CNTN6: variants seen among roughly 807,000 people sequenced by gnomAD.
CNTN6 encodes the protein contactin-6.
A neutral mutation model predicts 122.8 loss-of-function variants in CNTN6; 137 were observed. That is an observed-to-expected ratio of 1.12 (90% CI 0.97 to 1.29). The LOEUF is 1.29. Ranked by LOEUF, CNTN6 falls within the 50% of genes most tolerant of loss-of-function variation. CNTN6 has a pLI of 0.00. For missense variants in CNTN6, 1,634 were observed against 1,223.4 expected, an observed-to-expected ratio of 1.34 and a Z score of -5.01; for synonymous variants, 570 against 426.0, an observed-to-expected ratio of 1.34 and a Z score of -4.16.
chr3:1,245,811 GT>G (rs1390467798), intron 4 of CNTN6, among the ~76,000 whole-genome samples: 2 of 152,038 alleles, frequency 1.3e-5, no homozygotes, highest in Non-Finnish European at 2.9e-5. Context: ...TGTTAATTAT[GT>G]TTTAAAGCAG....
At chr3:1,181,786 T>G (rs770294408) in intron 2 of CNTN6, among the ~76,000 whole-genome samples, 3 of 152,128 alleles carry the variant, frequency 2.0e-5, no homozygotes, top group African/African-American at 4.8e-5. Flanking sequence ...TTGAGAGCAT[T>G]TTATTCTGCT....
intron 1 of CNTN6, among the ~76,000 whole-genome samples, chr3:1,106,397 C>A (rs1559325095): frequency 6.6e-6 from 1 of 151,980 alleles, no homozygotes; most frequent in Admixed American, 6.6e-5. Flanking sequence ...TTTGGCAGAA[C>A]ATAATGAAAT....
At chr3:1,114,161 G>A (rs1211715684) in intron 1 of CNTN6, among the ~76,000 whole-genome samples, 6 of 152,128 alleles carry the variant, frequency 3.9e-5, no homozygotes, top group African/African-American at 9.7e-5. Flanking sequence ...CATTATAATC[G>A]CAGACTTTGG....
At position 1,385,594 on chromosome 3, in the gene CNTN6, T is replaced by C. The variant is rs1242807904; in HGVS notation, c.2518-17T>C. On this transcript the variant is annotated splice_polypyrimidine_tract_variant and intron_variant, in intron 19 of 22. Coordinates refer to ENST00000446702, the MANE Select transcript of CNTN6 (RefSeq NM_001289080.2). ...TTGGGGAACAATAAATTGCTTGTTT[T>C]GGTTTTTAATTATCAGGTCTTATAC... The C allele has an allele frequency of 3.8e-6, 6 of 1,572,862 alleles. No individual in the cohort carries two copies. Among genetic ancestry groups the C allele is most frequent in the Non-Finnish European group, 5.2e-6 (6 of 1,162,214 alleles).
At chr3:1,102,620 C>T (rs1288500059) in intron 1 of CNTN6, among the ~76,000 whole-genome samples, 1 of 149,106 alleles carries the variant, frequency 6.7e-6, no homozygotes, top group Non-Finnish European at 1.5e-5. Flanking sequence ...CCCAGCTACT[C>T]GGGAGGCTGA....
chr3:1,277,346 C>CTTTTTTTTTTTTTATTTTTTTTTTTTTTT (rs1692564668), intron 4 of CNTN6, among the ~76,000 whole-genome samples: 1 of 80,172 alleles, frequency 1.2e-5, no homozygotes, highest in Non-Finnish European at 2.4e-5. Flanking sequence ...AGTAGGTTTT[C>CTTTTTTTTTTTTTATTTTTTTTTTTTTTT]TTTTTTTTTT....
chr3:1,141,459 G>C (rs183198573), intron 1 of CNTN6, among the ~76,000 whole-genome samples: 113 of 152,294 alleles, frequency 7.4e-4, no homozygotes, highest in African/African-American at 2.6e-3. Context: ...ACTAGAGAGA[G>C]AAGTTGGCCA....
chr3:1,167,230 A>G (rs1318526202), intron 2 of CNTN6, among the ~76,000 whole-genome samples: 1 of 151,756 alleles, frequency 6.6e-6, no homozygotes, highest in Admixed American at 6.6e-5. Flanking sequence ...AAGCTACTGA[A>G]CCCCTCTCTG....
intron 11 of CNTN6, among the ~76,000 whole-genome samples, chr3:1,337,320 C>A (rs1703218170): frequency 6.6e-6 from 1 of 152,124 alleles, no homozygotes; most frequent in African/African-American, 2.4e-5. Flanking sequence ...GATTCTTCCT[C>A]CCTGTCTGAC....
At chr3:1,168,705 C>A (rs1288330874) in intron 2 of CNTN6, among the ~76,000 whole-genome samples, 2 of 151,858 alleles carry the variant, frequency 1.3e-5, no homozygotes, top group Non-Finnish European at 2.9e-5. Context: ...CACAAGAGTA[C>A]CTGGGGGTGC....
At chr3:1,268,378 C>A (rs140165651) in intron 4 of CNTN6, among the ~76,000 whole-genome samples, 1 of 151,296 alleles carries the variant, frequency 6.6e-6, no homozygotes, top group African/African-American at 2.4e-5. Context: ...GAGGCCGAGG[C>A]GGGCGGATCA....
intron 3 of CNTN6, 119 bp from the exon 4 acceptor site, chr3:1,227,699 C>T (rs1224767705): frequency 1.9e-6 from 2 of 1,058,626 alleles, no homozygotes; most frequent in East Asian, 2.5e-5. Flanking sequence ...ATTACCTCCA[C>T]ATGTAATCAT....
Position 1,377,902 on chromosome 3 carries a change from C to A in CNTN6, c.2166+827C>A, listed in dbSNP as rs541965523. 1.6e-4 allele frequency among the ~76,000 whole-genome samples: 24 copies of A among 152,196 alleles called. No individual in the cohort carries two copies. In the South Asian group the frequency reaches 5.0e-3, roughly 32 times the overall value. ...AGTTATGGCAAATTATCAGACGCTG[C>A]CATTTCATAGGGTAGGGTTTCTGCG... On this transcript the variant is annotated intron_variant, in intron 17 of 22. Transcript: ENST00000446702.
intron 19 of CNTN6, among the ~76,000 whole-genome samples, chr3:1,384,770 CACAT>C (rs1407081402): frequency 1.3e-4 from 16 of 127,238 alleles, no homozygotes; most frequent in South Asian, 7.5e-4. Context: ...CATATATATA[CACAT>C]ATATATATAT....
chr3:1,133,357 G>T (rs114259311), intron 1 of CNTN6, among the ~76,000 whole-genome samples: 3,631 of 152,180 alleles, frequency 0.024, 77 homozygotes, highest in Middle Eastern at 0.054. Context: ...AATAATAATA[G>T]CAGCTAGTAT....
intron 4 of CNTN6, among the ~76,000 whole-genome samples, chr3:1,275,272 A>G (rs1053023659): frequency 6.6e-6 from 1 of 151,842 alleles, no homozygotes; most frequent in African/African-American, 2.4e-5. Flanking sequence ...CTCATAGCCA[A>G]CTCTAAAGAG....
intron 7 of CNTN6, among the ~76,000 whole-genome samples, chr3:1,300,030 G>T (rs1469159205): frequency 1.3e-5 from 2 of 151,872 alleles, no homozygotes; most frequent in African/African-American, 4.8e-5. Context: ...AGGCTGGAGT[G>T]CAGTGGCTTG....
At chr3:1,400,420 T>C (rs985577169) in intron 20 of CNTN6, among the ~76,000 whole-genome samples, 7 of 152,086 alleles carry the variant, frequency 4.6e-5, no homozygotes, top group African/African-American at 1.2e-4. Flanking sequence ...AGTTGGACTA[T>C]ATCCATTACT....
chr3:1,325,732 G>T lies in CNTN6; in HGVS notation c.947-83G>T, dbSNP rs1018875023. On this transcript the variant is annotated intron_variant, in intron 8 of 22. Coordinates refer to ENST00000446702, the MANE Select transcript of CNTN6 (RefSeq NM_001289080.2). ...TGGACCCAGTTAGCCTTGTCCTTCT[G>T]ATCTCTACAGCCCTTGTAATGTAGC... 6.2e-6 allele frequency: 9 copies of T among 1,440,140 alleles called. No individual in the cohort carries two copies. The East Asian group carries it at 2.1e-4, about 34-fold the overall frequency. The allele number at this position is 1,440,140 out of a possible 1,614,324, so 89.2% of individuals were successfully genotyped here. A position where few individuals can be genotyped will look rare whatever the true frequency, so the allele number is the denominator to read the frequency against.
Sources: allele counts gnomAD v4.1 joint callset (sites outside exome capture counted in the v4.1 genomes callset), GRCh38; gene constraint gnomAD v4.1.1; transcripts MANE v1.5; gene names NCBI Gene and HGNC (gene_info 2026-07-23, HGNC 2026-07-21).